The following MAP4K3 variants were observed in gnomAD, a reference collection of about 807,000 sequenced individuals.
MAP4K3 encodes the protein MAPK/ERK kinase kinase kinase 3.
MAP4K3 carries 94 observed loss-of-function variants against 143.5 expected under a neutral mutation model. That is an observed-to-expected ratio of 0.65 (90% CI 0.55 to 0.78). The LOEUF (loss-of-function observed/expected upper bound fraction) is 0.78. MAP4K3 is among the 30% of genes least tolerant of loss of function. The pLI is 0.00. For missense variants in MAP4K3, 1,077 were observed against 1,068.1 expected, an observed-to-expected ratio of 1.01 and a Z score of -0.12; for synonymous variants, 416 against 347.2, an observed-to-expected ratio of 1.20 and a Z score of -2.20.
At chr2:39,387,680 A>G (rs1666544818) in intron 1 of MAP4K3, among the ~76,000 whole-genome samples, 2 of 152,226 alleles carry the variant, frequency 1.3e-5, no homozygotes, top group Admixed American at 1.3e-4. Flanking sequence ...TAAAGAGCAA[A>G]TAACCCAACA....
At chr2:39,308,179 T>C (rs1682788586) in intron 14 of MAP4K3, among the ~76,000 whole-genome samples, 174 bp from the exon 15 acceptor site, 1 of 152,196 alleles carries the variant, frequency 6.6e-6, no homozygotes. Context: ...GCAACAACTT[T>C]GCTCTAAAAT....
intron 3 of MAP4K3, among the ~76,000 whole-genome samples, chr2:39,349,095 T>C (rs1665377683): frequency 6.6e-6 from 1 of 152,200 alleles, no homozygotes; most frequent in Non-Finnish European, 1.5e-5. Flanking sequence ...AGTCCCCTGA[T>C]TCCTGTACTG....
At chr2:39,403,835 G>T (rs1248676093) in intron 1 of MAP4K3, among the ~76,000 whole-genome samples, 1 of 150,700 alleles carries the variant, frequency 6.6e-6, no homozygotes, top group Non-Finnish European at 1.5e-5. Flanking sequence ...TCTTCTGCTT[G>T]AGGAGAGAAG....
chr2:39,263,393 C>T (rs1680642038), intron 28 of MAP4K3, among the ~76,000 whole-genome samples: 1 of 150,658 alleles, frequency 6.6e-6, no homozygotes, highest in South Asian at 2.1e-4. Flanking sequence ...CTGCCTCAGC[C>T]TCCCGAGTAG....
At chr2:39,343,583 T>A in intron 3 of MAP4K3, 131 bp from the exon 4 acceptor site, 2 of 634,738 alleles carry the variant, frequency 3.2e-6, no homozygotes, top group Non-Finnish European at 5.4e-6. Flanking sequence ...TTAAAATAAC[T>A]AATTAATCTT....
intron 12 of MAP4K3, among the ~76,000 whole-genome samples, chr2:39,315,780 A>G (rs1248091064): frequency 6.6e-6 from 1 of 152,150 alleles, no homozygotes; most frequent in Non-Finnish European, 1.5e-5. Context: ...CTGAAGGGAA[A>G]GGAAATACAA....
At chr2:39,267,455 A>G (rs11682362) in intron 26 of MAP4K3, 392,715 of 504,634 alleles carry the variant, frequency 0.78, 159,116 homozygotes, top group Non-Finnish European at 0.85. Flanking sequence ...GGCGGATCAC[A>G]AGGTCAAGAC....
chr2:39,366,308 G>C (rs1665922194), intron 2 of MAP4K3, among the ~76,000 whole-genome samples: 1 of 152,100 alleles, frequency 6.6e-6, no homozygotes, highest in Admixed American at 6.5e-5. Context: ...CCAGGTTAGA[G>C]GGAGATTTTA....
chr2:39,354,445 A>AAAAT lies in MAP4K3; in HGVS notation c.245+1800_245+1803dup, dbSNP rs544710240. 1.9e-3 allele frequency among the ~76,000 whole-genome samples: 284 copies of AAAAT among 151,992 alleles called. 7 individuals are homozygous for AAAAT. In the East Asian group the frequency reaches 0.027, roughly 15 times the overall value. ...GTGACAGACTGAGATTCCATCTCAA[A>AAAAT]AAATAAATAAATAAATAAATAATTT... On this transcript the variant is annotated intron_variant, in intron 3 of 33. Transcript: ENST00000263881.
chr2:39,261,613 T>A (rs1680571389), intron 28 of MAP4K3, among the ~76,000 whole-genome samples: 1 of 152,152 alleles, frequency 6.6e-6, no homozygotes, highest in South Asian at 2.1e-4. Context: ...CTTAGGACCT[T>A]GCAATAATAC....
intron 13 of MAP4K3, 116 bp downstream of exon 13, chr2:39,315,194 T>G: frequency 3.1e-6 from 2 of 643,888 alleles, no homozygotes; most frequent in East Asian, 6.2e-5. Context: ...AACTTTACCT[T>G]TAACAGTGTT....
chr2:39,336,090 G>C (rs181628633), intron 6 of MAP4K3, among the ~76,000 whole-genome samples: 2 of 152,260 alleles, frequency 1.3e-5, no homozygotes, highest in African/African-American at 4.8e-5. Context: ...AATATGCTAA[G>C]GATTCCTACC....
chr2:39,374,395 A>C (rs1666163095), intron 2 of MAP4K3, among the ~76,000 whole-genome samples: 1 of 151,994 alleles, frequency 6.6e-6, no homozygotes, highest in African/African-American at 2.4e-5. Flanking sequence ...ATTAAAAATA[A>C]ATTAGGCCAG....
intron 1 of MAP4K3, among the ~76,000 whole-genome samples, chr2:39,385,171 A>G (rs1222520539): frequency 2.0e-4 from 30 of 152,150 alleles, no homozygotes; most frequent in Admixed American, 2.0e-3. Context: ...GCTGCTATAA[A>G]CATTTGTATA....
At chr2:39,280,181 G>C (rs1056602335) in intron 23 of MAP4K3, 91 bp downstream of exon 23, 9 of 712,854 alleles carry the variant, frequency 1.3e-5, no homozygotes, top group Non-Finnish European at 2.0e-5. Flanking sequence ...TCCCCAGAAA[G>C]ATACTCAGAA....
intron 2 of MAP4K3, among the ~76,000 whole-genome samples, chr2:39,371,661 T>C (rs1468417270): frequency 2.0e-5 from 3 of 151,712 alleles, no homozygotes; most frequent in Middle Eastern, 3.2e-3. Flanking sequence ...CCTATGAAGA[T>C]ACACAGACTA....
At chr2:39,271,564 C>T (rs2148454074) in intron 26 of MAP4K3, among the ~76,000 whole-genome samples, 1 of 152,194 alleles carries the variant, frequency 6.6e-6, no homozygotes, top group African/African-American at 2.4e-5. Context: ...ACTAGAAAGG[C>T]AAAACCACTC....
intron 1 of MAP4K3, among the ~76,000 whole-genome samples, chr2:39,397,799 A>T (rs3887311): frequency 0.82 from 124,088 of 152,090 alleles, 51,094 homozygotes; most frequent in Non-Finnish European, 0.88. Context: ...ATACACCCAT[A>T]TAAAGAATTC....
At chr2:39,358,704 A>G (rs1665680178) in intron 2 of MAP4K3, among the ~76,000 whole-genome samples, 1 of 152,228 alleles carries the variant, frequency 6.6e-6, no homozygotes, top group Non-Finnish European at 1.5e-5. Context: ...AGATTTGGGT[A>G]AGAAAAAAGT....
Sources: allele counts gnomAD v4.1 joint callset (sites outside exome capture counted in the v4.1 genomes callset), GRCh38; gene constraint gnomAD v4.1.1; transcripts MANE v1.5; gene names NCBI Gene and HGNC (gene_info 2026-07-23, HGNC 2026-07-21).